The following DNAH11 variants were observed in gnomAD, a reference collection of about 807,000 sequenced individuals.
DNAH11 encodes axonemal beta dynein heavy chain 11.
DNAH11 carries 442 observed loss-of-function variants against 526.0 expected under a neutral mutation model. The ratio of observed to expected loss-of-function variants is 0.84; its 90% confidence interval spans 0.78 to 0.91. The LOEUF (loss-of-function observed/expected upper bound fraction) is 0.91, where lower values mean the gene tolerates loss of function less well. Ranked by LOEUF, DNAH11 falls within the 40% of genes least tolerant of loss-of-function variation. The pLI, the probability that DNAH11 is intolerant of heterozygous loss-of-function variation, is 0.00. For missense variants in DNAH11, 6,989 were observed against 5,448.7 expected, an observed-to-expected ratio of 1.28 and a Z score of -8.90; for synonymous variants, 2,461 against 1,935.9, an observed-to-expected ratio of 1.27 and a Z score of -7.12.
At chr7:21,709,372 T>TG (rs938279443) in intron 40 of DNAH11, among the ~76,000 whole-genome samples, 12 of 152,136 alleles carry the variant, frequency 7.9e-5, no homozygotes, top group Non-Finnish European at 1.8e-4. Flanking sequence ...AGCTAAACAT[T>TG]GGGTACATGT....
At chr7:21,591,903 A>G (rs1255478047) in intron 14 of DNAH11, among the ~76,000 whole-genome samples, 3 of 152,170 alleles carry the variant, frequency 2.0e-5, no homozygotes, top group Non-Finnish European at 4.4e-5. Context: ...ACTGCCTCGT[A>G]TGTGCCAAAC....
At chr7:21,584,542 C>G (rs934495454) in intron 9 of DNAH11, among the ~76,000 whole-genome samples, 1 of 152,044 alleles carries the variant, frequency 6.6e-6, no homozygotes, top group Non-Finnish European at 1.5e-5. Flanking sequence ...CAAACCTGCA[C>G]ATTGTGTACA....
At chr7:21,823,232 T>A (rs923367129) in intron 65 of DNAH11, among the ~76,000 whole-genome samples, 2 of 152,138 alleles carry the variant, frequency 1.3e-5, no homozygotes, top group African/African-American at 4.8e-5. Flanking sequence ...TACTATCTTT[T>A]GATAGGGTTT....
At chr7:21,724,233 A>G (rs752214849) in intron 44 of DNAH11, among the ~76,000 whole-genome samples, 3 of 152,248 alleles carry the variant, frequency 2.0e-5, no homozygotes, top group Non-Finnish European at 2.9e-5. Context: ...CTCAAGACCA[A>G]CTTTTGTAGG....
intron 63 of DNAH11, among the ~76,000 whole-genome samples, chr7:21,811,290 C>T (rs571798400): frequency 1.5e-4 from 22 of 151,636 alleles, no homozygotes; most frequent in Admixed American, 3.9e-4. Context: ...TGGTGAAACC[C>T]CCCCCCCTAC....
In DNAH11 at chr7:21,880,721, C is replaced by T. The variant is rs1181806604; in HGVS notation, c.12215C>T (p.Ser4072Phe). The change falls in exon 75 of 82, where the codon TCC (serine) becomes TTC (phenylalanine). Residue 4072 changes from serine to phenylalanine, a missense_variant. Physicochemically the swap from Ser to Phe is radical, Grantham distance 155. Coordinates refer to ENST00000409508, the MANE Select transcript of DNAH11 (RefSeq NM_001277115.2). ...TCCCAGGATACACTTGAAATATGCT[C>T]CAAGGAGCAGGAGTTTAAAAGCATC... Reference protein sequence around the residue: ...NFDQDTLEICSKEQEFKSILF... With the variant: ...NFDQDTLEICFKEQEFKSILF... 1.2e-6 allele frequency: 2 copies of T among 1,613,742 alleles called. No homozygotes were observed. Among genetic ancestry groups the T allele is most frequent in the African/African-American group, 1.3e-5 (1 of 74,934 alleles).
chr7:21,789,098 G>C (rs918490187), intron 60 of DNAH11, 143 bp from the exon 61 acceptor site: 2 of 628,808 alleles, frequency 3.2e-6, no homozygotes, highest in African/African-American at 3.7e-5. Context: ...AGACCAGTTT[G>C]AGCAACATGA....
chr7:21,893,988 A>C (rs1784417730), intron 77 of DNAH11, among the ~76,000 whole-genome samples: 1 of 152,180 alleles, frequency 6.6e-6, no homozygotes. Flanking sequence ...TCTCGGATTC[A>C]AGCGATTTTC....
At chr7:21,727,974 CCT>C (rs996554608) in intron 45 of DNAH11, among the ~76,000 whole-genome samples, 1 of 152,136 alleles carries the variant, frequency 6.6e-6, no homozygotes, top group African/African-American at 2.4e-5. Flanking sequence ...TCACTGTCTC[CCT>C]GTGTGTCTAA....
rs949492765 is a variant in DNAH11 at position 21,600,883 on chromosome 7, G to C, written c.3208G>C (p.Glu1070Gln). ...CGATGAAATGGATGCTCATGCAAAT[G>C]AAGAAATTCCCGAACAACCACCAAC... ...SSDEMDAHAN[E>Q]EIPEQPPTLE... is the part of the protein sequence containing the mutation. Residue 1070 changes from glutamate to glutamine, a missense_variant, in exon 16 of 82, where the codon GAA becomes CAA. Glu to Gln is a conservative substitution (Grantham distance 29). Transcript: ENST00000409508. The C allele has an allele frequency of 1.2e-6, 2 of 1,613,772 alleles. No homozygotes were observed. Among genetic ancestry groups the C allele is most frequent in the South Asian group, 1.1e-5 (1 of 91,064 alleles).
chr7:21,641,704 TA>T (rs1308543819), intron 28 of DNAH11, among the ~76,000 whole-genome samples: 4 of 152,218 alleles, frequency 2.6e-5, no homozygotes, highest in African/African-American at 9.7e-5. Flanking sequence ...TTACATCCTT[TA>T]AAAAAATTTT....
intron 9 of DNAH11, among the ~76,000 whole-genome samples, chr7:21,586,650 A>G (rs919024463): frequency 6.6e-6 from 1 of 152,180 alleles, no homozygotes; most frequent in Admixed American, 6.5e-5. Context: ...TTTAGGGAAT[A>G]CCTGTTATTT....
At chr7:21,862,147 G>C (rs1783089035) in intron 69 of DNAH11, 124 bp downstream of exon 69, 1 of 958,850 alleles carries the variant, frequency 1.0e-6, no homozygotes. Context: ...GGAAGCCCTT[G>C]GTGGCATGAG....
intron 14 of DNAH11, among the ~76,000 whole-genome samples, chr7:21,599,449 C>T (rs1302236942): frequency 1.3e-5 from 2 of 152,216 alleles, no homozygotes; most frequent in African/African-American, 2.4e-5. Context: ...TCTAAGGACA[C>T]AGAGTTAGTG....
chr7:21,635,741 T>C, intron 25 of DNAH11, 130 bp from the exon 26 acceptor site: 1 of 638,992 alleles, frequency 1.6e-6, no homozygotes, highest in East Asian at 2.9e-5. Flanking sequence ...ACTTATTAAA[T>C]GCCAGTTCCA....
In DNAH11 at chr7:21,614,811, G is replaced by C. The variant is rs929854444; in HGVS notation, c.3853-303G>C. On this transcript the variant is annotated intron_variant, in intron 20 of 81. Transcript: ENST00000409508. ...TTCTTCAGCAAATTCCCCAGCTCTC[G>C]GTACAAAAACCAAGAGGAAAAATTG... Among the ~76,000 whole-genome samples, 26 of 151,808 alleles carry C rather than the reference G, an allele frequency of 1.7e-4. 1 individual carries two copies. Among genetic ancestry groups the C allele is most frequent in the Admixed American group, 6.6e-4 (10 of 15,234 alleles).
rs948624544 is a variant in DNAH11, at chr7:21,746,604, CAAAAAT to C, written c.8510+1546_8510+1551del. Among the ~76,000 whole-genome samples the C allele has an allele frequency of 9.2e-5, 14 of 151,660 alleles. No individual in the cohort carries two copies. The South Asian group carries it at 2.1e-3, about 23-fold the overall frequency. ...AGCAACAGAGTGAGACCCTGTCTCT[CAAAAAT>C]AAAAGACAAGAAGAAGGAAAAATCC... On this transcript the variant is annotated intron_variant, in intron 51 of 81. Coordinates refer to ENST00000409508, the MANE Select transcript of DNAH11 (RefSeq NM_001277115.2).
At chr7:21,737,928 G>A (rs1785686584) in intron 46 of DNAH11, among the ~76,000 whole-genome samples, 1 of 152,130 alleles carries the variant, frequency 6.6e-6, no homozygotes, top group Non-Finnish European at 1.5e-5. Flanking sequence ...TGGAAAAGGT[G>A]TTTATTTATT....
In DNAH11 at chr7:21,868,817, C is replaced by T. The variant is rs773820491; in HGVS notation, c.11840-47C>T. 1.6e-5 allele frequency: 26 copies of T among 1,611,184 alleles called. No homozygotes were observed. In the Middle Eastern group the frequency reaches 5.0e-4, roughly 31 times the overall value. On this transcript the variant is annotated intron_variant, in intron 72 of 81. Transcript: ENST00000409508. ...ACCACAGAATTCCAGGCTCCTCTCA[C>T]CCTCCTTCATAGACATTTCCTCTCA...
Sources: allele counts gnomAD v4.1 joint callset (sites outside exome capture counted in the v4.1 genomes callset), GRCh38; gene constraint gnomAD v4.1.1; transcripts MANE v1.5; gene names NCBI Gene and HGNC (gene_info 2026-07-23, HGNC 2026-07-21).